KDM4C: variants seen among roughly 807,000 people sequenced by gnomAD.
KDM4C encodes the protein lysine-specific demethylase 4C.
KDM4C carries 81 observed loss-of-function variants against 129.3 expected under a neutral mutation model. The observed-to-expected ratio is 0.63, with a 90% CI of 0.52 to 0.75. KDM4C has a LOEUF of 0.75. Ranked by LOEUF, KDM4C falls within the 30% of genes least tolerant of loss-of-function variation. The pLI, the probability that KDM4C is intolerant of heterozygous loss-of-function variation, is 0.00. For synonymous variants in KDM4C, 573 were observed against 456.1 expected (o/e 1.26, Z -3.26); for missense variants, 1,457 against 1,304.0 (o/e 1.12, Z -1.81).
chr9:6,818,123 T>C (rs1832458377), intron 4 of KDM4C, among the ~76,000 whole-genome samples: 1 of 152,160 alleles, frequency 6.6e-6, no homozygotes, highest in Admixed American at 6.5e-5. Context: ...AGTGTATGTA[T>C]ATATGCATGC....
chr9:7,083,558 C>G (rs987317671), intron 17 of KDM4C, among the ~76,000 whole-genome samples: 1 of 152,236 alleles, frequency 6.6e-6, no homozygotes, highest in East Asian at 1.9e-4. Flanking sequence ...TGCTATTGTA[C>G]TGAGTATGGT....
intron 18 of KDM4C, among the ~76,000 whole-genome samples, chr9:7,110,565 G>T (rs749147659): frequency 1.3e-5 from 2 of 152,036 alleles, no homozygotes; most frequent in Non-Finnish European, 2.9e-5. Context: ...GGTATGGGTT[G>T]GGCCTACCAC....
chr9:6,890,899 A>G (rs1047282039), intron 7 of KDM4C, among the ~76,000 whole-genome samples: 2 of 152,172 alleles, frequency 1.3e-5, no homozygotes, highest in Non-Finnish European at 2.9e-5. Flanking sequence ...TGGAGCTTGA[A>G]CCGTGCTGGG....
chr9:6,827,027 G>GGT (rs1375146313), intron 4 of KDM4C, among the ~76,000 whole-genome samples: 1 of 152,184 alleles, frequency 6.6e-6, no homozygotes, highest in Non-Finnish European at 1.5e-5. Context: ...GTGTGGGGCA[G>GGT]GGCACAGTCC....
At chr9:6,807,230 G>A (rs1217960100) in intron 3 of KDM4C, among the ~76,000 whole-genome samples, 1 of 152,102 alleles carries the variant, frequency 6.6e-6, no homozygotes, top group Non-Finnish European at 1.5e-5. Flanking sequence ...CGTGATCTCG[G>A]CTCACTATAA....
At position 6,992,067 on chromosome 9, in the gene KDM4C, T is replaced by C. The variant is rs572519261; in HGVS notation, c.1786+1543T>C. On this transcript the variant is annotated intron_variant, in intron 12 of 21. Transcript: ENST00000381309. ...TACCCAGTACAAACCATTTTCCCTT[T>C]AGTGTTAAGACATATGACAATTCTG... is the stretch of plus-strand genomic sequence containing the variant. Among the ~76,000 whole-genome samples the C allele has an allele frequency of 1.1e-4, 16 of 152,282 alleles. No homozygotes were observed. The South Asian group carries it at 2.7e-3, about 26-fold the overall frequency.
At chr9:6,910,103 A>G (rs929270597) in intron 8 of KDM4C, among the ~76,000 whole-genome samples, 2 of 152,222 alleles carry the variant, frequency 1.3e-5, no homozygotes, top group Admixed American at 1.3e-4. Context: ...ATATTTTAAA[A>G]TAAAACCATG....
chr9:6,995,756 C>T (rs1397967398), intron 12 of KDM4C, among the ~76,000 whole-genome samples: 1 of 152,098 alleles, frequency 6.6e-6, no homozygotes, highest in Non-Finnish European at 1.5e-5. Context: ...ACTGCAAGCT[C>T]TGCCTGCTGG....
At chr9:6,948,465 T>G (rs1402959309) in intron 8 of KDM4C, among the ~76,000 whole-genome samples, 3 of 151,616 alleles carry the variant, frequency 2.0e-5, no homozygotes, top group Non-Finnish European at 4.4e-5. Flanking sequence ...CTCATTTTTT[T>G]TTTTTTTTTA....
intron 9 of KDM4C, among the ~76,000 whole-genome samples, chr9:6,981,524 G>A (rs751568075): frequency 2.6e-5 from 4 of 152,116 alleles, no homozygotes; most frequent in Admixed American, 6.6e-5. Context: ...CAACATCTGA[G>A]CTACTGCTCT....
chr9:7,012,897 A>C (rs1344921088), intron 13 of KDM4C, among the ~76,000 whole-genome samples: 1 of 152,218 alleles, frequency 6.6e-6, no homozygotes, highest in Non-Finnish European at 1.5e-5. Context: ...ATAAAAATAA[A>C]CTGTTCTGTT....
intron 17 of KDM4C, among the ~76,000 whole-genome samples, chr9:7,064,011 G>T (rs184554979): frequency 2.0e-4 from 31 of 152,258 alleles, no homozygotes; most frequent in Non-Finnish European, 4.0e-4. Context: ...GCTACCCTGC[G>T]CTTGGAATGT....
chr9:6,932,889 A>G (rs1203737998), intron 8 of KDM4C, among the ~76,000 whole-genome samples: 1 of 152,248 alleles, frequency 6.6e-6, no homozygotes, highest in African/African-American at 2.4e-5. Context: ...AATATCAATC[A>G]TGTAGAGATT....
intron 3 of KDM4C, among the ~76,000 whole-genome samples, chr9:6,808,601 T>C (rs1367425347): frequency 6.8e-6 from 1 of 148,062 alleles, no homozygotes; most frequent in Non-Finnish European, 1.5e-5. Flanking sequence ...GAGACCTTTG[T>C]TCACTTGTTT....
At chr9:6,721,670 C>T (rs1816959677) in intron 1 of KDM4C, among the ~76,000 whole-genome samples, 1 of 150,666 alleles carries the variant, frequency 6.6e-6, no homozygotes, top group Admixed American at 6.6e-5. Context: ...CTCACTGCAA[C>T]CTCCGCCTCC....
At chr9:7,160,102 T>C (rs964024199) in intron 19 of KDM4C, among the ~76,000 whole-genome samples, 3 of 152,206 alleles carry the variant, frequency 2.0e-5, no homozygotes, top group East Asian at 3.8e-4. Context: ...ACTGATACCC[T>C]TTCTTCCACT....
intron 17 of KDM4C, among the ~76,000 whole-genome samples, chr9:7,067,702 T>TA (rs1832622510): frequency 6.6e-6 from 1 of 152,236 alleles, no homozygotes; most frequent in African/African-American, 2.4e-5. Flanking sequence ...AAAATATTTT[T>TA]AAAAACCGAA....
chr9:6,865,011 T>C (rs1232789906), intron 5 of KDM4C, among the ~76,000 whole-genome samples: 1 of 148,126 alleles, frequency 6.8e-6, no homozygotes, highest in Non-Finnish European at 1.5e-5. Flanking sequence ...TTTCTTTCTT[T>C]TTTTTTTTTT....
chr9:6,757,996 C>A lies in KDM4C; in HGVS notation c.-225C>A, dbSNP rs1185301372. ...GGAGAGCCGGCGGTGCGCGCGCCTT[C>A]GCCGCTGCCTCCCACCCACCCCCTC... On this transcript the variant is annotated 5_prime_UTR_variant, in exon 1 of 22. Coordinates refer to ENST00000381309, the MANE Select transcript of KDM4C (RefSeq NM_015061.6). The A allele has an allele frequency of 1.2e-5, 12 of 985,278 alleles. No individual in the cohort carries two copies. The South Asian group carries it at 4.2e-4, about 35-fold the overall frequency. The allele number at this position is 985,278 out of a possible 1,614,324, so 61.0% of individuals were successfully genotyped here.
Sources: allele counts gnomAD v4.1 joint callset (sites outside exome capture counted in the v4.1 genomes callset), GRCh38; gene constraint gnomAD v4.1.1; transcripts MANE v1.5; gene names NCBI Gene and HGNC (gene_info 2026-07-23, HGNC 2026-07-21).